FAM185A: variants seen among roughly 807,000 people sequenced by gnomAD.
The protein encoded by FAM185A is protein FAM185A.
A neutral mutation model predicts 45.7 loss-of-function variants in FAM185A; 21 were observed. That is an observed-to-expected ratio of 0.46 (90% CI 0.33 to 0.66). The LOEUF (loss-of-function observed/expected upper bound fraction) is 0.66, where lower values mean the gene tolerates loss of function less well. Among genes scored for constraint, FAM185A ranks in the 30% least tolerant of loss-of-function variants. FAM185A has a pLI of 0.03. For synonymous variants in FAM185A, 117 were observed against 194.0 expected (o/e 0.60, Z 3.30); for missense variants, 305 against 485.4 (o/e 0.63, Z 3.49).
the FAM185A span, among the ~76,000 whole-genome samples, chr7:102,834,095 AAAGAAAGAAAG>A: frequency 1.0e-5 from 1 of 95,586 alleles, no homozygotes; most frequent in Non-Finnish European, 2.1e-5. Context: ...GAAAAGAAAG[AAAGAAAGAAAG>A]AAAGAAAGAA....
the FAM185A span, among the ~76,000 whole-genome samples, chr7:102,819,974 T>A: frequency 6.6e-6 from 1 of 152,120 alleles, no homozygotes. Context: ...AATAAAAAAA[T>A]TTGAGGCCAG....
intron 6 of FAM185A, among the ~76,000 whole-genome samples, chr7:102,781,559 G>T (rs1453526303): frequency 6.6e-6 from 1 of 152,198 alleles, no homozygotes; most frequent in Non-Finnish European, 1.5e-5. Context: ...GTCTGGAGTA[G>T]ACCTCCAGCA....
intron 6 of FAM185A, 94 bp from the exon 7 acceptor site, chr7:102,787,241 C>T (rs1795865398): frequency 1.0e-6 from 1 of 964,860 alleles, no homozygotes; most frequent in Admixed American, 3.6e-5. Context: ...AACAGTGTCT[C>T]AGGAGCAATG....
At position 102,749,464 on chromosome 7, in the gene FAM185A, C is replaced by T. The variant is rs752377706; in HGVS notation, c.257C>T (p.Ala86Val). 3.2e-6 allele frequency: 5 copies of T among 1,546,996 alleles called. No individual in the cohort carries two copies. In the South Asian group the frequency reaches 3.6e-5, roughly 11 times the overall value. Residue 86 changes from alanine to valine, a missense_variant, in exon 1 of 8, where the codon GCC (alanine) becomes GTC (valine). By Grantham distance (64) the Ala-to-Val change is moderately conservative (BLOSUM62 0). Around this residue, in one of 5 missense-constraint regions of FAM185A, gnomAD observed 174 missense variants for 247.1 expected, o/e 0.70. Coordinates refer to ENST00000413034, the MANE Select transcript of FAM185A (RefSeq NM_001145268.2). ...CGGGCGCGGCTCCCGTGCCACCTGG[C>T]CGTGAGGCCCCTGGACCCCCTCACC... ...RLRARLPCHLAVRPLDPLTYP... is the reference protein window; with the variant it reads ...RLRARLPCHLVVRPLDPLTYP...
At chr7:102,799,847 C>T (rs1364288772) in intron 7 of FAM185A, among the ~76,000 whole-genome samples, 14 of 151,982 alleles carry the variant, frequency 9.2e-5, no homozygotes, top group Non-Finnish European at 1.6e-4. Flanking sequence ...GCCCAGTGGC[C>T]GGGAGTGGCA....
At chr7:102,763,710 G>C (rs968199664) in intron 4 of FAM185A, among the ~76,000 whole-genome samples, 1 of 152,194 alleles carries the variant, frequency 6.6e-6, no homozygotes, top group African/African-American at 2.4e-5. Flanking sequence ...GCTGAGGGCT[G>C]TCTGCCAGCA....
At chr7:102,756,762 T>C (rs1793768833) in intron 2 of FAM185A, among the ~76,000 whole-genome samples, 1 of 139,446 alleles carries the variant, frequency 7.2e-6, no homozygotes, top group African/African-American at 2.8e-5. Flanking sequence ...TTTCATTCAG[T>C]GATTCTAGGT....
chr7:102,800,670 A>C (rs965400825), intron 7 of FAM185A, among the ~76,000 whole-genome samples: 1 of 152,190 alleles, frequency 6.6e-6, no homozygotes, highest in African/African-American at 2.4e-5. Context: ...AGGTCTTTGA[A>C]TTAACCCAAT....
chr7:102,802,250 C>T (rs1796842326), intron 7 of FAM185A, among the ~76,000 whole-genome samples: 2 of 152,302 alleles, frequency 1.3e-5, no homozygotes, highest in Non-Finnish European at 1.5e-5. Context: ...TTCTATTCAA[C>T]AGCACATGGA....
chr7:102,811,580 A>T (rs1797438836), downstream of FAM185A, among the ~76,000 whole-genome samples: 1 of 152,216 alleles, frequency 6.6e-6, no homozygotes, highest in South Asian at 2.1e-4. Context: ...GCAACCTGCT[A>T]GGTTTCTGGA....
At chr7:102,798,282 G>C (rs1306832826) in intron 7 of FAM185A, among the ~76,000 whole-genome samples, 5 of 152,174 alleles carry the variant, frequency 3.3e-5, no homozygotes, top group Non-Finnish European at 5.9e-5. Context: ...TTGTAGGAAG[G>C]AATTTATAAA....
At chr7:102,754,196 TA>T (rs1259187954) in intron 2 of FAM185A, among the ~76,000 whole-genome samples, 73 of 125,736 alleles carry the variant, frequency 5.8e-4, no homozygotes, top group South Asian at 2.1e-3. Flanking sequence ...ACCTACATAA[TA>T]AAAAAAATTT....
the FAM185A span, chr7:102,822,028 G>C: frequency 6.2e-7 from 1 of 1,613,902 alleles, no homozygotes; most frequent in Non-Finnish European, 8.5e-7. Context: ...TCATAGTCAG[G>C]TACATACTTA....
At chr7:102,779,498 A>C (rs1484239345) in intron 6 of FAM185A, among the ~76,000 whole-genome samples, 1 of 152,240 alleles carries the variant, frequency 6.6e-6, no homozygotes, top group Non-Finnish European at 1.5e-5. Context: ...ATTTAGACAT[A>C]TCAAGCCCTA....
At chr7:102,815,134 A>G in the FAM185A span, among the ~76,000 whole-genome samples, 1 of 148,958 alleles carries the variant, frequency 6.7e-6, no homozygotes, top group African/African-American at 2.6e-5. Context: ...ACCCATCTCT[A>G]TCAGTCTAAA....
chr7:102,772,069 T>C (rs900520417), intron 4 of FAM185A, among the ~76,000 whole-genome samples: 2 of 143,132 alleles, frequency 1.4e-5, no homozygotes, highest in African/African-American at 5.3e-5. Context: ...GATAAATACA[T>C]TGATATTTAG....
At chr7:102,850,055 C>T in the FAM185A span, among the ~76,000 whole-genome samples, 1 of 151,560 alleles carries the variant, frequency 6.6e-6, no homozygotes, top group Non-Finnish European at 1.5e-5. Flanking sequence ...TTGAGTAGAA[C>T]AACTAATCTT....
chr7:102,843,882 T>C, the FAM185A span, among the ~76,000 whole-genome samples: 2 of 152,148 alleles, frequency 1.3e-5, no homozygotes, highest in Non-Finnish European at 2.9e-5. Context: ...ATGAGAGAAG[T>C]GGAGGTTCTA....
the FAM185A span, among the ~76,000 whole-genome samples, chr7:102,831,326 G>A: frequency 6.6e-6 from 1 of 151,776 alleles, no homozygotes; most frequent in Admixed American, 6.6e-5. Flanking sequence ...GGAGGGATGG[G>A]ATCTTATGTG....
Sources: allele counts gnomAD v4.1 joint callset (sites outside exome capture counted in the v4.1 genomes callset), GRCh38; gene constraint gnomAD v4.1.1; regional missense constraint gnomAD v4.1.1; transcripts MANE v1.5; gene names NCBI Gene and HGNC (gene_info 2026-07-23, HGNC 2026-07-21).